APBA1: variants seen among roughly 807,000 people sequenced by gnomAD.
The protein encoded by APBA1 is amyloid beta precursor protein binding family A member 1, also known as amyloid-beta A4 precursor protein-binding family A member 1.
A neutral mutation model predicts 86.6 loss-of-function variants in APBA1; 55 were observed. That is an observed-to-expected ratio of 0.64 (90% confidence interval 0.51 to 0.80). The LOEUF (loss-of-function observed/expected upper bound fraction) is 0.80. Among genes scored for constraint, APBA1 ranks in the 30% least tolerant of loss-of-function variants. APBA1 has a pLI of 0.00. For missense variants in APBA1, 1,090 were observed against 1,183.0 expected (o/e 0.92, Z 1.15); for synonymous variants, 511 against 493.9 (o/e 1.03, Z -0.46).
chr9:69,544,286 A>T (rs1257902989), intron 1 of APBA1, among the ~76,000 whole-genome samples: 1 of 152,366 alleles, frequency 6.6e-6, no homozygotes, highest in East Asian at 1.9e-4. Flanking sequence ...AATATTTCTT[A>T]TGGCACATTG....
At chr9:69,532,165 T>C (rs1836443880) in intron 1 of APBA1, among the ~76,000 whole-genome samples, 1 of 146,862 alleles carries the variant, frequency 6.8e-6, no homozygotes, top group African/African-American at 2.6e-5. Context: ...GGAGGTTGTG[T>C]GTGTGTAGCA....
chr9:69,665,972 G>A (rs981589944), intron 1 of APBA1, among the ~76,000 whole-genome samples: 2 of 152,202 alleles, frequency 1.3e-5, no homozygotes, highest in African/African-American at 4.8e-5. Flanking sequence ...CTGACCTCAA[G>A]TGATCTGCCT....
intron 1 of APBA1, among the ~76,000 whole-genome samples, chr9:69,587,198 A>G (rs900712785): frequency 6.6e-6 from 1 of 152,208 alleles, no homozygotes; most frequent in Non-Finnish European, 1.5e-5. Context: ...CTCCAAATTC[A>G]GTGATGGAGA....
In APBA1 at chr9:69,516,578, G is replaced by T. The variant is rs770991599; in HGVS notation, c.633C>A (p.Asp211Glu). Residue 211 changes from aspartate (D) to glutamate (E), a missense_variant, in exon 2 of 13, where the codon GAC (aspartate) becomes GAA (glutamate). Physicochemically the swap from Asp to Glu is conservative, Grantham distance 45. Transcript: ENST00000265381. This position sits in a 1 kb window ranked among gnomAD's most constrained non-coding sequence, Gnocchi z 7.3. ...GCTCCTGCTCGTAGAGCCGCAGGCC[G>T]TCGCGTGCGTCCAGCTCGGGCGCGT... ...IGDAPELDAR[D>E]GLRLYEQERD... 2 of 1,601,668 alleles carry T rather than the reference G, an allele frequency of 1.2e-6. No individual in the cohort carries two copies. Among genetic ancestry groups the T allele is most frequent in the Non-Finnish European group, 1.7e-6 (2 of 1,178,886 alleles).
At chr9:69,646,629 C>T (rs527607229) in intron 1 of APBA1, among the ~76,000 whole-genome samples, 1 of 152,280 alleles carries the variant, frequency 6.6e-6, no homozygotes, top group African/African-American at 2.4e-5. Flanking sequence ...CAGAAGGGGG[C>T]ATTCTGGTCT....
chr9:69,462,973 G>C (rs1835215126), intron 5 of APBA1: 1 of 152,092 alleles, frequency 6.6e-6, no homozygotes, highest in Non-Finnish European at 1.5e-5. Flanking sequence ...GAGAACCAGG[G>C]CTCTAATGCA....
chr9:69,615,592 T>C (rs1406799173), intron 1 of APBA1, among the ~76,000 whole-genome samples: 2 of 152,208 alleles, frequency 1.3e-5, no homozygotes, highest in Non-Finnish European at 2.9e-5. Context: ...CTAGCCTCAA[T>C]AGATTTTAAA....
In APBA1 at chr9:69,457,046, C is replaced by T; in HGVS notation, c.1602+7G>A. 6.2e-7 allele frequency: 1 copy of T among 1,613,304 alleles called. No individual in the cohort carries two copies. Among genetic ancestry groups the T allele is most frequent in the African/African-American group, 1.3e-5 (1 of 75,026 alleles). On this transcript the variant is annotated splice_region_variant and intron_variant, in intron 7 of 12. Transcript: ENST00000265381. ...TCACCCTGGGAAAGGTGGAAGCCAG[C>T]TGATACCTGTGTGTCGGCGTTCAGC...
chr9:69,559,017 A>C (rs1836908098), intron 1 of APBA1, among the ~76,000 whole-genome samples: 1 of 151,702 alleles, frequency 6.6e-6, no homozygotes, highest in South Asian at 2.1e-4. Context: ...TTTAACCCCC[A>C]CTCCTCAAAG....
At chr9:69,634,533 G>GAGAT (rs1823117123) in intron 1 of APBA1, among the ~76,000 whole-genome samples, 1 of 152,176 alleles carries the variant, frequency 6.6e-6, no homozygotes, top group Admixed American at 6.5e-5. Flanking sequence ...GAGGTAGAGA[G>GAGAT]AGAGATAGAG....
intron 1 of APBA1, among the ~76,000 whole-genome samples, chr9:69,568,106 A>G (rs1455059877): frequency 3.3e-5 from 5 of 152,206 alleles, no homozygotes; most frequent in Non-Finnish European, 7.4e-5. Flanking sequence ...ATGGACTACT[A>G]AACTGCCTGG....
intron 1 of APBA1, among the ~76,000 whole-genome samples, chr9:69,649,052 C>A (rs1263410799): frequency 6.6e-6 from 1 of 152,182 alleles, no homozygotes; most frequent in East Asian, 1.9e-4. Flanking sequence ...TCCAACCTAT[C>A]CCCAAGTCCT....
intron 1 of APBA1, among the ~76,000 whole-genome samples, chr9:69,624,779 C>T (rs1212852682): frequency 6.6e-6 from 1 of 152,166 alleles, no homozygotes; most frequent in Non-Finnish European, 1.5e-5. Context: ...TTCAAGTTCT[C>T]ACAAATGCAG....
intron 1 of APBA1, among the ~76,000 whole-genome samples, chr9:69,658,336 T>G (rs1202621167): frequency 1.4e-5 from 2 of 141,852 alleles, no homozygotes; most frequent in African/African-American, 5.1e-5. Context: ...CTTTCTTTCT[T>G]TCTTTCTTTC....
chr9:69,526,120 T>C (rs1436378833), intron 1 of APBA1, among the ~76,000 whole-genome samples: 2 of 152,088 alleles, frequency 1.3e-5, no homozygotes, highest in Non-Finnish European at 2.9e-5. Context: ...GAAGAAAACC[T>C]AGAAAACATC....
intron 1 of APBA1, among the ~76,000 whole-genome samples, chr9:69,557,559 G>A (rs993267792): frequency 6.6e-6 from 1 of 152,172 alleles, no homozygotes; most frequent in African/African-American, 2.4e-5. Context: ...CAAGATGACT[G>A]ATAACACCTT....
rs537613040 is a variant in APBA1 at position 69,612,665 on chromosome 9, A to G, written c.-70+59488T>C. On this transcript the variant is annotated intron_variant, in intron 1 of 12. Transcript: ENST00000265381. Reference sequence around the variant, plus strand: ...GAAATTCAGGTTACTAAGAGTTTAAAATTCTAATTAACATAAAATTATGTA... The same window carrying G: ...GAAATTCAGGTTACTAAGAGTTTAAGATTCTAATTAACATAAAATTATGTA... Among the ~76,000 whole-genome samples the G allele has an allele frequency of 2.6e-3, 394 of 152,180 alleles. 2 individuals carry two copies. The highest frequency in any genetic ancestry group is 8.5e-3 in the African/African-American group (354 of 41,568).
intron 1 of APBA1, among the ~76,000 whole-genome samples, chr9:69,664,824 G>C (rs2134029616): frequency 6.6e-6 from 1 of 152,264 alleles, no homozygotes; most frequent in African/African-American, 2.4e-5. Context: ...ACTGAGGGTG[G>C]CCAATAGTTG....
intron 1 of APBA1, among the ~76,000 whole-genome samples, chr9:69,559,889 C>T (rs1369876140): frequency 6.6e-6 from 1 of 152,102 alleles, no homozygotes; most frequent in Non-Finnish European, 1.5e-5. Context: ...TTCATCAATC[C>T]AACATACATC....
Sources: allele counts gnomAD v4.1 joint callset (sites outside exome capture counted in the v4.1 genomes callset), GRCh38; gene constraint gnomAD v4.1.1; non-coding constraint Gnocchi (gnomAD v3.1); transcripts MANE v1.5; gene names NCBI Gene and HGNC (gene_info 2026-07-23, HGNC 2026-07-21).